ZFP69: variants seen among roughly 807,000 people sequenced by gnomAD.
ZFP69 encodes zinc finger protein 69 homolog.
A neutral mutation model predicts 48.9 loss-of-function variants in ZFP69; 35 were observed. The ratio of observed to expected loss-of-function variants is 0.72; its 90% CI spans 0.55 to 0.95. The LOEUF is 0.95. Ranked by LOEUF, ZFP69 falls within the 40% of genes least tolerant of loss-of-function variation. ZFP69 has a pLI of 0.00. For missense variants in ZFP69, 557 were observed against 638.4 expected (o/e 0.87, Z 1.37); for synonymous variants, 193 against 216.8 (o/e 0.89, Z 0.96).
chr1:40,489,731 G>C, intron 5 of ZFP69, 107 bp downstream of exon 5: 2 of 780,934 alleles, frequency 2.6e-6, no homozygotes, highest in Non-Finnish European at 4.0e-6. Context: ...TCTGCAGGCT[G>C]TACAGGAAGC....
At chr1:40,490,841 G>A (rs1311898372) in intron 5 of ZFP69, 1 of 151,796 alleles carries the variant, frequency 6.6e-6, no homozygotes, top group South Asian at 2.1e-4. Flanking sequence ...CAAATGTCGG[G>A]GTCCCTAACA....
intron 2 of ZFP69, among the ~76,000 whole-genome samples, chr1:40,480,582 T>C (rs137982691): frequency 1.3e-5 from 2 of 150,658 alleles, no homozygotes; most frequent in South Asian, 2.1e-4. Flanking sequence ...AAAAAAACCA[T>C]GCAATTTTCA....
intron 5 of ZFP69, among the ~76,000 whole-genome samples, chr1:40,491,753 GTGTGTGTGTA>G (rs1645570659): frequency 4.2e-5 from 2 of 47,060 alleles, no homozygotes; most frequent in Admixed American, 2.2e-4. Flanking sequence ...AGAAAAAAAT[GTGTGTGTGTA>G]TGTGTGTGTG....
At chr1:40,489,645 C>T (rs1236119841) in intron 5 of ZFP69, 21 bp downstream of exon 5, 2 of 1,564,758 alleles carry the variant, frequency 1.3e-6, no homozygotes, top group African/African-American at 2.8e-5. Flanking sequence ...GTGTGTTAGT[C>T]TGTTTTTGTG....
At position 40,492,917 on chromosome 1, in the gene ZFP69, A is replaced by G. The variant is rs1645583421; in HGVS notation, c.443-2004A>G. 3.3e-5 allele frequency among the ~76,000 whole-genome samples: 5 copies of G among 152,040 alleles called. No homozygotes were observed. In the South Asian group the frequency reaches 1.0e-3, roughly 31 times the overall value. On this transcript the variant is annotated intron_variant, in intron 5 of 5. Transcript: ENST00000372706. ...CCCTGAGCCTCAGTCGTGAACAGGT[A>G]TATTTTTAAAGAAAGATTATGTTGC... is the stretch of plus-strand genomic sequence containing the variant.
intron 1 of ZFP69, 31 bp from the exon 2 acceptor site, chr1:40,479,005 G>T (rs1167337269): frequency 8.3e-6 from 2 of 240,920 alleles, no homozygotes; most frequent in African/African-American, 4.7e-5. Context: ...TTTCTTTTGG[G>T]TATTTTGCAG....
intron 3 of ZFP69, among the ~76,000 whole-genome samples, chr1:40,485,897 T>TTTG (rs775563096): frequency 1.9e-4 from 29 of 152,094 alleles, no homozygotes; most frequent in Admixed American, 3.3e-4. Flanking sequence ...ATAGGTGTGA[T>TTTG]TTGTTGTTGT....
chr1:40,478,122 TCA>T (rs5773698), intron 1 of ZFP69, among the ~76,000 whole-genome samples: 2,119 of 146,530 alleles, frequency 0.014, 22 homozygotes, highest in African/African-American at 0.033. Context: ...CTGCATATAG[TCA>T]CACACACACA....
chr1:40,490,614 G>C (rs1019856791), intron 5 of ZFP69, among the ~76,000 whole-genome samples: 1 of 152,192 alleles, frequency 6.6e-6, no homozygotes, highest in Non-Finnish European at 1.5e-5. Context: ...GCAGTCAAAT[G>C]TATGTGGTAT....
Position 40,495,582 on chromosome 1 carries a change from T to C in ZFP69, c.1104T>C (p.Ile368=). The stretch of plus-strand genomic sequence containing the variant: ...GTCAGAAAGCTTTCAGCCAGAACAT[T>C]AGCTTGGTTCAACATTTGAGGACTC... The part of the protein sequence containing the change: ...DKCQKAFSQN[I]SLVQHLRTHS... Residue 368 remains isoleucine (I), a synonymous_variant, in exon 6 of 6, where the codon ATT becomes ATC. Coordinates refer to ENST00000372706, the MANE Select transcript of ZFP69 (RefSeq NM_001320179.2). The C allele has an allele frequency of 6.2e-7, 1 of 1,614,182 alleles. No homozygotes were observed. Among genetic ancestry groups the C allele is most frequent in the Non-Finnish European group, 8.5e-7 (1 of 1,180,020 alleles).
At chr1:40,483,568 T>G (rs1645464585) in intron 3 of ZFP69, among the ~76,000 whole-genome samples, 1 of 152,162 alleles carries the variant, frequency 6.6e-6, no homozygotes, top group Non-Finnish European at 1.5e-5. Flanking sequence ...GTATGTAAAT[T>G]GTACTTCAGT....
intron 3 of ZFP69, among the ~76,000 whole-genome samples, chr1:40,483,588 T>C (rs1645464772): frequency 6.6e-6 from 1 of 152,170 alleles, no homozygotes. Context: ...TTTAAAAAAA[T>C]TTAATCCTTT....
At position 40,495,402 on chromosome 1, in the gene ZFP69, T is replaced by A. The variant is rs140790385; in HGVS notation, c.924T>A (p.Phe308Leu). The A allele has an allele frequency of 4.2e-4, 671 of 1,614,040 alleles. No individual in the cohort carries two copies. Among genetic ancestry groups the A allele is most frequent in the Non-Finnish European group, 5.3e-4 (631 of 1,180,034 alleles). ...GATGTAAGGAATGTGGAAGGGCCTT[T>A]AGTCAAAGTGCATCCCTCAGTACAC... Reference protein sequence around the residue: ...PFRCKECGRAFSQSASLSTHQ... With the variant: ...PFRCKECGRALSQSASLSTHQ... Residue 308 changes from phenylalanine (F) to leucine (L), a missense_variant, in exon 6 of 6, where the codon TTT becomes TTA. By Grantham distance (22) the Phe-to-Leu change is conservative. Transcript: ENST00000372706.
At chr1:40,486,360 AT>A (rs1645496524) in intron 3 of ZFP69, among the ~76,000 whole-genome samples, 1 of 150,780 alleles carries the variant, frequency 6.6e-6, no homozygotes, top group African/African-American at 2.4e-5. Context: ...CTCTTCTGAG[AT>A]TGCTCTTTCT....
At chr1:40,488,742 TAG>T (rs895083157) in intron 3 of ZFP69, among the ~76,000 whole-genome samples, 8 of 152,200 alleles carry the variant, frequency 5.3e-5, no homozygotes, top group Admixed American at 4.6e-4. Flanking sequence ...ATCACCCTTT[TAG>T]AGAGTCTTCC....
chr1:40,495,191 T>C lies in ZFP69; in HGVS notation c.713T>C (p.Ile238Thr), dbSNP rs115439636. 164 of 1,614,140 alleles carry C rather than the reference T, an allele frequency of 1.0e-4. 1 individual carries two copies. In the East Asian group the frequency reaches 1.6e-3, roughly 16 times the overall value. The change falls in exon 6 of 6, where the codon ATT (isoleucine) becomes ACT (threonine). Residue 238 changes from isoleucine (I) to threonine (T), a missense_variant. Coordinates refer to ENST00000372706, the MANE Select transcript of ZFP69 (RefSeq NM_001320179.2). ...ENIIVHSNVI[I>T]EQRHHKYDTP... The stretch of plus-strand genomic sequence containing the variant: ...ATCATTGTGCATTCAAATGTTATTA[T>C]TGAACAGAGGCACCATAAATATGAT...
chr1:40,495,231 G>C lies in ZFP69; in HGVS notation c.753G>C (p.Arg251=). ...RHHKYDTPTK[R]NTYKLDLINH... The stretch of plus-strand genomic sequence containing the variant: ...ATAAATATGATACACCTACAAAGCG[G>C]AACACATACAAATTAGATTTGATTA... The change falls in exon 6 of 6, where the codon CGG becomes CGC. Residue 251 remains arginine (R), a synonymous_variant. Coordinates refer to ENST00000372706, the MANE Select transcript of ZFP69 (RefSeq NM_001320179.2). The C allele has an allele frequency of 6.2e-7, 1 of 1,613,954 alleles. No individual in the cohort carries two copies.
At chr1:40,488,078 C>T (rs1050126415) in intron 3 of ZFP69, among the ~76,000 whole-genome samples, 8 of 151,564 alleles carry the variant, frequency 5.3e-5, no homozygotes, top group Non-Finnish European at 8.8e-5. Context: ...AAGCCGGGCA[C>T]GGTGTCTCAT....
At chr1:40,484,944 G>C (rs1557544003) in intron 3 of ZFP69, among the ~76,000 whole-genome samples, 1 of 138,578 alleles carries the variant, frequency 7.2e-6, no homozygotes, top group Non-Finnish European at 1.5e-5. Context: ...CCAGGCTGGA[G>C]TGCAGTGGCA....
Sources: allele counts gnomAD v4.1 joint callset (sites outside exome capture counted in the v4.1 genomes callset), GRCh38; gene constraint gnomAD v4.1.1; transcripts MANE v1.5; gene names NCBI Gene and HGNC (gene_info 2026-07-23, HGNC 2026-07-21).